The following SPECC1 variants were observed in gnomAD, a reference collection of about 807,000 sequenced individuals.
SPECC1 encodes sperm antigen with calponin homology and coiled-coil domains 1.
In SPECC1, 62 loss-of-function variants were observed where a neutral mutation model predicts 104.1. The ratio of observed to expected loss-of-function variants is 0.60; its 90% CI spans 0.49 to 0.74. The LOEUF (loss-of-function observed/expected upper bound fraction) is 0.74. Ranked by LOEUF, SPECC1 falls within the 30% of genes least tolerant of loss-of-function variation. The pLI is 0.00. For synonymous variants in SPECC1, 513 were observed against 501.6 expected (o/e 1.02, Z -0.30); for missense variants, 1,306 against 1,310.5 (o/e 1.00, Z 0.05).
intron 3 of SPECC1, among the ~76,000 whole-genome samples, chr17:20,143,561 G>A (rs1458731075): frequency 1.3e-5 from 2 of 151,980 alleles, no homozygotes; most frequent in African/African-American, 4.8e-5. Flanking sequence ...GCACGTGCCT[G>A]TAATCCCAGG....
intron 12 of SPECC1, among the ~76,000 whole-genome samples, chr17:20,288,114 G>A (rs1178347072): frequency 6.6e-6 from 1 of 152,140 alleles, no homozygotes; most frequent in East Asian, 1.9e-4. Context: ...CCATGTCCCT[G>A]CAAAGGACAT....
chr17:20,296,808 A>G (rs909485664), intron 12 of SPECC1, among the ~76,000 whole-genome samples, 153 bp from the exon 13 acceptor site: 1 of 151,526 alleles, frequency 6.6e-6, no homozygotes, highest in Admixed American at 6.6e-5. Context: ...TCACTCGTGA[A>G]TTCGGCTCTC....
chr17:20,290,215 G>A (rs888050245), intron 12 of SPECC1: 2 of 151,994 alleles, frequency 1.3e-5, no homozygotes, highest in African/African-American at 4.8e-5. Context: ...CCAGACTTTA[G>A]TCTCAACCTG....
At chr17:20,148,743 G>T (rs891451889) in intron 3 of SPECC1, among the ~76,000 whole-genome samples, 2 of 150,914 alleles carry the variant, frequency 1.3e-5, no homozygotes, top group Non-Finnish European at 3.0e-5. Context: ...TTTTGAGACA[G>T]AGTTTTGCTC....
rs1402360274 is a variant in SPECC1, at chr17:20,213,361, C to G, written c.1863+7449C>G. On this transcript the variant is annotated intron_variant, in intron 4 of 14. Transcript: ENST00000395527. ...CCACACCTCAGTGCCTCCCAAAGTG[C>G]TGGGATTGCAGGGGTGAGCCAACGT... Among the ~76,000 whole-genome samples the G allele has an allele frequency of 2.6e-5, 4 of 152,182 alleles. No homozygotes were observed. The East Asian group carries it at 5.8e-4, about 22-fold the overall frequency.
chr17:20,143,230 C>T (rs2031048254), intron 3 of SPECC1, among the ~76,000 whole-genome samples: 1 of 145,148 alleles, frequency 6.9e-6, no homozygotes, highest in Non-Finnish European at 1.5e-5. Context: ...ATCAAAAATA[C>T]AAAACTTTAG....
chr17:20,059,872 A>G (rs531856702), intron 1 of SPECC1, among the ~76,000 whole-genome samples: 28 of 152,294 alleles, frequency 1.8e-4, no homozygotes, highest in African/African-American at 6.7e-4. Flanking sequence ...TAAAAACAAA[A>G]CAAAACAAAG....
chr17:20,180,362 T>C (rs2034789073), intron 3 of SPECC1, among the ~76,000 whole-genome samples: 1 of 152,148 alleles, frequency 6.6e-6, no homozygotes. Context: ...CAGAGCAAGA[T>C]GCAAGAACAA....
chr17:20,051,117 T>C (rs56378337), intron 1 of SPECC1, among the ~76,000 whole-genome samples: 707 of 92,294 alleles, frequency 7.7e-3, no homozygotes, highest in East Asian at 0.015. Flanking sequence ...TCTTTCTTTC[T>C]TTCTTTCTTT....
chr17:20,193,162 G>A (rs935570212), intron 3 of SPECC1, among the ~76,000 whole-genome samples: 11 of 152,154 alleles, frequency 7.2e-5, no homozygotes, highest in South Asian at 2.1e-4. Flanking sequence ...CTGTCATGGC[G>A]CTGGCAGGAG....
intron 4 of SPECC1, among the ~76,000 whole-genome samples, chr17:20,219,101 C>T (rs1300801958): frequency 6.6e-6 from 1 of 152,162 alleles, no homozygotes; most frequent in African/African-American, 2.4e-5. Flanking sequence ...AATAGTGCTG[C>T]AATAAACTTG....
chr17:20,109,545 A>G (rs1019660827), intron 2 of SPECC1, among the ~76,000 whole-genome samples: 5 of 152,238 alleles, frequency 3.3e-5, no homozygotes, highest in Non-Finnish European at 7.3e-5. Flanking sequence ...TGTTTGTCCC[A>G]TGACAGGGAA....
chr17:20,128,220 T>C (rs1455754830), intron 3 of SPECC1, among the ~76,000 whole-genome samples: 1 of 152,228 alleles, frequency 6.6e-6, no homozygotes, highest in Non-Finnish European at 1.5e-5. Flanking sequence ...AGAATTCAAA[T>C]ACCAGGCGTG....
chr17:20,240,740 T>C (rs2039165476), intron 7 of SPECC1, among the ~76,000 whole-genome samples: 1 of 152,224 alleles, frequency 6.6e-6, no homozygotes, highest in East Asian at 1.9e-4. Flanking sequence ...TTCTTTCTCT[T>C]TTGAGTTAGC....
chr17:20,185,035 T>G (rs1032104167), intron 3 of SPECC1: 2 of 152,248 alleles, frequency 1.3e-5, no homozygotes, highest in African/African-American at 4.8e-5. Flanking sequence ...ATTGGCTGAT[T>G]GTCCACAGAA....
intron 3 of SPECC1, among the ~76,000 whole-genome samples, chr17:20,146,403 CTGAATAATATTCCATTATATGGA>C (rs1198553094): frequency 6.6e-6 from 1 of 152,142 alleles, no homozygotes; most frequent in Non-Finnish European, 1.5e-5. Flanking sequence ...CTTTTTAGTG[CTGAATAATATTCCATTATATGGA>C]TGTACCACAG....
At chr17:20,154,279 G>C (rs1445938420) in intron 3 of SPECC1, among the ~76,000 whole-genome samples, 2 of 152,230 alleles carry the variant, frequency 1.3e-5, no homozygotes, top group Admixed American at 6.5e-5. Flanking sequence ...AAGTAGGAGA[G>C]GGTGTGTGCT....
chr17:20,056,822 GA>G lies in SPECC1; in HGVS notation c.-21-39802del, dbSNP rs897739927. Among the ~76,000 whole-genome samples, 254 of 152,134 alleles carry G rather than the reference GA, an allele frequency of 1.7e-3. 1 individual carries two copies. Among genetic ancestry groups the G allele is most frequent in the African/African-American group, 5.8e-3 (242 of 41,554 alleles). On this transcript the variant is annotated intron_variant, in intron 1 of 14. Transcript: ENST00000395527. ...ATCTTGAAATAAAATCCTCTGAAGAGAAAAAAATAATTAAAAAATTAATTAT... is the reference window on the plus strand; with the variant it reads ...ATCTTGAAATAAAATCCTCTGAAGAGAAAAAATAATTAAAAAATTAATTAT...
chr17:20,168,049 G>A (rs1437376323), intron 3 of SPECC1, among the ~76,000 whole-genome samples: 1 of 152,118 alleles, frequency 6.6e-6, no homozygotes, highest in Non-Finnish European at 1.5e-5. Context: ...TCAAATAATA[G>A]AAACTTGAAA....
Sources: gnomAD v4.1 joint callset for allele counts (sites outside exome capture counted in the v4.1 genomes callset) on GRCh38, gnomAD v4.1.1 for gene constraint, MANE v1.5 for transcripts, NCBI Gene and HGNC (gene_info 2026-07-23, HGNC 2026-07-21) for gene names.